HSDL1: variants seen among roughly 807,000 people sequenced by gnomAD.
HSDL1 encodes inactive hydroxysteroid dehydrogenase-like protein 1.
A neutral mutation model predicts 31.5 loss-of-function variants in HSDL1; 29 were observed. That is an observed-to-expected ratio of 0.92 (90% confidence interval 0.69 to 1.26). The LOEUF is 1.26. Ranked by LOEUF, HSDL1 falls within the 50% of genes most tolerant of loss-of-function variation. The probability of loss-of-function intolerance (pLI) is 0.00; values close to 1 mark genes in which losing one functional copy is unlikely to be tolerated. For synonymous variants in HSDL1, 222 were observed against 155.2 expected, an observed-to-expected ratio of 1.43 and a Z score of -3.20; for missense variants, 503 against 416.6, an observed-to-expected ratio of 1.21 and a Z score of -1.81.
chr16:84,124,489 G>T lies in HSDL1; in HGVS notation c.*141C>A. ...TTTCACAGCACTCTGACGGTATTAT[G>T]TGTGTTTTGCAAATGACGAATCAAC... On this transcript the variant is annotated 3_prime_UTR_variant, in exon 6 of 6. Transcript: ENST00000219439. 3.2e-6 allele frequency: 2 copies of T among 621,296 alleles called. No homozygotes were observed. The highest frequency in any genetic ancestry group is 3.0e-6 in the Non-Finnish European group (1 of 334,646). 38.5% of individuals were successfully genotyped at this position (621,296 alleles called of 1,614,324 possible). A position where few individuals can be genotyped will look rare whatever the true frequency, so the allele number is the denominator to read the frequency against.
rs1016149687 is a variant in HSDL1, at chr16:84,124,533, C to A, written c.*97G>T. 2.1e-5 allele frequency: 16 copies of A among 767,446 alleles called. No individual in the cohort carries two copies. Among genetic ancestry groups the A allele is most frequent in the South Asian group, 1.6e-4 (11 of 67,746 alleles). 47.5% of individuals were successfully genotyped at this position (767,446 alleles called of 1,614,324 possible). A position where few individuals can be genotyped will look rare whatever the true frequency, so the allele number is the denominator to read the frequency against. ...AATCAACAGTATGCTGAATAATCAGCAATGAAACACAGGAGATAAATTAAA... is the reference window on the plus strand; with the variant it reads ...AATCAACAGTATGCTGAATAATCAGAAATGAAACACAGGAGATAAATTAAA... On this transcript the variant is annotated 3_prime_UTR_variant, in exon 6 of 6. Coordinates refer to ENST00000219439, the MANE Select transcript of HSDL1 (RefSeq NM_031463.5).
Position 84,131,372 on chromosome 16 carries a change from T to C in HSDL1, c.-6-45A>G, listed in dbSNP as rs756215504. Reference sequence around the variant, plus strand: ...GAGAGAGCCTCTTTGATTAATAAATTAAAGGAACATACACAGTCTGAGTGA... The same window carrying C: ...GAGAGAGCCTCTTTGATTAATAAATCAAAGGAACATACACAGTCTGAGTGA... On this transcript the variant is annotated intron_variant, in intron 2 of 5. Transcript: ENST00000219439. 3.8e-6 allele frequency: 5 copies of C among 1,313,518 alleles called. No homozygotes were observed. In the Admixed American group the frequency reaches 5.1e-5, roughly 13 times the overall value. The allele number at this position is 1,313,518 out of a possible 1,614,324, so 81.4% of individuals were successfully genotyped here.
intron 1 of HSDL1, among the ~76,000 whole-genome samples, chr16:84,141,539 G>A (rs184675427): frequency 5.3e-5 from 8 of 152,356 alleles, no homozygotes; most frequent in African/African-American, 1.7e-4. Context: ...AAAGGGATTT[G>A]CCCATGGTTT....
At chr16:84,143,280 G>T (rs1411281740) in intron 1 of HSDL1, among the ~76,000 whole-genome samples, 2 of 152,218 alleles carry the variant, frequency 1.3e-5, no homozygotes, top group Admixed American at 6.5e-5. Context: ...AAAAAAGCAT[G>T]AAGTACTGAT....
chr16:84,127,043 T>A (rs756538570), intron 5 of HSDL1, among the ~76,000 whole-genome samples: 1 of 152,162 alleles, frequency 6.6e-6, no homozygotes, highest in East Asian at 1.9e-4. Context: ...TGTTCGTGTT[T>A]TATAAACACA....
At chr16:84,141,852 A>G (rs2086772242) in intron 1 of HSDL1, among the ~76,000 whole-genome samples, 1 of 152,082 alleles carries the variant, frequency 6.6e-6, no homozygotes, top group African/African-American at 2.4e-5. Context: ...TCAGAATTGT[A>G]AGAATTCTTT....
At chr16:84,128,866 C>T (rs1208703919) in intron 5 of HSDL1, among the ~76,000 whole-genome samples, 1 of 151,996 alleles carries the variant, frequency 6.6e-6, no homozygotes, top group East Asian at 1.9e-4. Flanking sequence ...CACCACTAAG[C>T]CTAGCTAATT....
intron 5 of HSDL1, chr16:84,125,123 C>T (rs1327733503): frequency 5.7e-6 from 1 of 176,918 alleles, no homozygotes; most frequent in Non-Finnish European, 1.2e-5. Context: ...CAACAAATAC[C>T]CACCAATCAC....
rs553224060 is a variant in HSDL1, at chr16:84,141,090, C to CA, written c.-69+3989dup. On this transcript the variant is annotated intron_variant, in intron 1 of 5. Transcript: ENST00000219439. ...TGGGCGACAGAACGAGACTCCGTCT[C>CA]AAACAAAAAAAAAAACAGTATTGCT... Among the ~76,000 whole-genome samples the CA allele has an allele frequency of 1.1e-3, 150 of 136,204 alleles. 4 individuals are homozygous for CA. In the South Asian group the frequency reaches 0.027, roughly 24 times the overall value. 89.4% of individuals were successfully genotyped at this position (136,204 alleles called of 152,430 possible).
rs571874148 is a variant in HSDL1, at chr16:84,123,779, C to A, written c.*851G>T. On this transcript the variant is annotated 3_prime_UTR_variant, in exon 6 of 6. Transcript: ENST00000219439. ...CAGAGGCTGAGAAATCACTATTTATCCACAAGAATTGCCTTATAAATCAAA... is the reference window on the plus strand; with the variant it reads ...CAGAGGCTGAGAAATCACTATTTATACACAAGAATTGCCTTATAAATCAAA... 1 of 152,388 alleles carries A rather than the reference C, an allele frequency of 6.6e-6. No individual in the cohort carries two copies. Among genetic ancestry groups the A allele is most frequent in the Admixed American group, 6.5e-5 (1 of 15,270 alleles). The allele number at this position is 152,388 out of a possible 1,614,324, so 9.4% of individuals were successfully genotyped here.
chr16:84,127,190 TTAAA>T (rs1277940399), intron 5 of HSDL1, among the ~76,000 whole-genome samples: 1 of 149,782 alleles, frequency 6.7e-6, no homozygotes, highest in Non-Finnish European at 1.5e-5. Flanking sequence ...AAACAACTAC[TTAAA>T]TAAAACTGTT....
intron 1 of HSDL1, among the ~76,000 whole-genome samples, chr16:84,141,543 A>G (rs188993162): frequency 2.0e-4 from 31 of 152,366 alleles, no homozygotes; most frequent in Middle Eastern, 3.4e-3. Context: ...GGATTTGCCC[A>G]TGGTTTAACT....
intron 1 of HSDL1, among the ~76,000 whole-genome samples, chr16:84,137,472 G>C (rs1343452272): frequency 6.6e-6 from 1 of 152,204 alleles, no homozygotes; most frequent in Non-Finnish European, 1.5e-5. Flanking sequence ...CACCAAGGGA[G>C]GGAGCTGGTG....
intron 5 of HSDL1, among the ~76,000 whole-genome samples, chr16:84,129,270 C>T (rs1173146250): frequency 2.0e-5 from 3 of 151,796 alleles, no homozygotes; most frequent in African/African-American, 7.3e-5. Context: ...GTCCCAGCTA[C>T]TCGGGAAGCT....
chr16:84,122,269 G>A lies in HSDL1; in HGVS notation c.*2361C>T, dbSNP rs191129238. The A allele has an allele frequency of 4.5e-4, 69 of 152,354 alleles. No homozygotes were observed. Among genetic ancestry groups the A allele is most frequent in the African/African-American group, 1.6e-3 (65 of 41,438 alleles). The allele number at this position is 152,354 out of a possible 1,614,324, so 9.4% of individuals were successfully genotyped here. A position where few individuals can be genotyped will look rare whatever the true frequency, so the allele number is the denominator to read the frequency against. On this transcript the variant is annotated 3_prime_UTR_variant, in exon 6 of 6. Coordinates refer to ENST00000219439, the MANE Select transcript of HSDL1 (RefSeq NM_031463.5). ...ACAAACAACCAAATTACAAACATCT[G>A]GAACAAAACTCTTCCAAAGGAAACA...
At chr16:84,133,973 G>A (rs902880227) in intron 2 of HSDL1, among the ~76,000 whole-genome samples, 1 of 152,210 alleles carries the variant, frequency 6.6e-6, no homozygotes, top group Non-Finnish European at 1.5e-5. Flanking sequence ...CAGATTGGCT[G>A]AGATGACCTA....
chr16:84,127,970 T>C (rs2086625914), intron 5 of HSDL1, among the ~76,000 whole-genome samples: 2 of 148,384 alleles, frequency 1.3e-5, no homozygotes, highest in Non-Finnish European at 1.5e-5. Flanking sequence ...CCGCCCGCCT[T>C]GGCCTCCCAA....
Position 84,129,578 on chromosome 16 carries a change from C to G in HSDL1, c.864G>C (p.Arg288Ser). ...HAVSTLGISK[R>S]TTGYWSHSIQ... The stretch of plus-strand genomic sequence containing the variant: ...TAGAATGGGACCAATATCCTGTGGT[C>G]CTTTTGGAAATCCCAAGAGTAGAAA... The change falls in exon 5 of 6, where the codon AGG (arginine) becomes AGC (serine). Residue 288 changes from arginine (R) to serine (S), a missense_variant. Coordinates refer to ENST00000219439, the MANE Select transcript of HSDL1 (RefSeq NM_031463.5). The G allele has an allele frequency of 6.2e-7, 1 of 1,614,104 alleles. No homozygotes were observed. The highest frequency in any genetic ancestry group is 8.5e-7 in the Non-Finnish European group (1 of 1,179,988).
At chr16:84,143,168 C>T (rs578114902) in intron 1 of HSDL1, among the ~76,000 whole-genome samples, 1 of 152,196 alleles carries the variant, frequency 6.6e-6, no homozygotes, top group African/African-American at 2.4e-5. Flanking sequence ...CAGTGGCCTA[C>T]TCACAACTGC....
Sources: gnomAD v4.1 joint callset for allele counts (sites outside exome capture counted in the v4.1 genomes callset) on GRCh38, gnomAD v4.1.1 for gene constraint, MANE v1.5 for transcripts, NCBI Gene and HGNC (gene_info 2026-07-23, HGNC 2026-07-21) for gene names.